The following PEBP4 variants were observed in gnomAD, a reference collection of about 807,000 sequenced individuals.
PEBP4 encodes the protein phosphatidylethanolamine binding protein 4.
Under a neutral mutation model 23.9 loss-of-function variants are expected in PEBP4, and 22 were observed. The ratio of observed to expected loss-of-function variants is 0.92; its 90% CI spans 0.66 to 1.31. PEBP4 has a LOEUF of 1.31. Among genes scored for constraint, PEBP4 ranks in the 40% most tolerant of loss-of-function variants. The probability of loss-of-function intolerance (pLI) is 0.00; values close to 1 mark genes in which losing one functional copy is unlikely to be tolerated. For synonymous variants in PEBP4, 112 were observed against 99.3 expected, an observed-to-expected ratio of 1.13 and a Z score of -0.76; for missense variants, 324 against 281.7, an observed-to-expected ratio of 1.15 and a Z score of -1.07.
intron 4 of PEBP4, among the ~76,000 whole-genome samples, chr8:22,781,827 C>G (rs1805921519): frequency 6.6e-6 from 1 of 152,228 alleles, no homozygotes. Context: ...GGCAGCCTGT[C>G]CCCCTTCCTC....
At chr8:22,788,802 A>C (rs1291308956) in intron 4 of PEBP4, among the ~76,000 whole-genome samples, 2 of 152,254 alleles carry the variant, frequency 1.3e-5, no homozygotes, top group Non-Finnish European at 2.9e-5. Flanking sequence ...TTATTCTCAG[A>C]AAGTCACCAC....
intron 4 of PEBP4, among the ~76,000 whole-genome samples, chr8:22,730,793 G>A (rs1804713963): frequency 1.3e-5 from 2 of 152,206 alleles, no homozygotes; most frequent in Non-Finnish European, 2.9e-5. Context: ...CCCTGAAGGA[G>A]GCTGAAAGTT....
chr8:22,785,525 G>T (rs1585271168), intron 4 of PEBP4, among the ~76,000 whole-genome samples: 1 of 152,174 alleles, frequency 6.6e-6, no homozygotes, highest in Admixed American at 6.5e-5. Flanking sequence ...GGACAGATCC[G>T]CCATGTGCTC....
chr8:22,731,417 A>G (rs993062470), intron 4 of PEBP4, among the ~76,000 whole-genome samples: 9 of 152,192 alleles, frequency 5.9e-5, no homozygotes, highest in Admixed American at 4.6e-4. Flanking sequence ...TTTTCTTAAT[A>G]CCATTTTCTT....
At chr8:22,859,422 G>A (rs916101192) in intron 3 of PEBP4, among the ~76,000 whole-genome samples, 2 of 152,166 alleles carry the variant, frequency 1.3e-5, no homozygotes, top group African/African-American at 2.4e-5. Flanking sequence ...ACTCCAGGGG[G>A]ATCAGTCCAA....
chr8:22,748,711 G>T (rs1043010104), intron 4 of PEBP4, among the ~76,000 whole-genome samples: 14 of 152,018 alleles, frequency 9.2e-5, no homozygotes, highest in African/African-American at 3.1e-4. Context: ...GTAGTCTTGG[G>T]GTTCCCTATA....
chr8:22,796,076 C>T (rs1806252753), intron 4 of PEBP4, among the ~76,000 whole-genome samples: 1 of 152,234 alleles, frequency 6.6e-6, no homozygotes, highest in South Asian at 2.1e-4. Context: ...GCACAGTGTC[C>T]TCCAATATGG....
chr8:22,783,639 T>C (rs868495120), intron 4 of PEBP4, among the ~76,000 whole-genome samples: 13 of 152,218 alleles, frequency 8.5e-5, no homozygotes, highest in Admixed American at 1.3e-4. Flanking sequence ...AAATGAATAA[T>C]GCCTCCCTAA....
intron 3 of PEBP4, among the ~76,000 whole-genome samples, chr8:22,861,846 T>C (rs1246631122): frequency 2.0e-5 from 3 of 152,214 alleles, no homozygotes; most frequent in Admixed American, 1.3e-4. Flanking sequence ...ATGGGTTCAG[T>C]TGCCACTTAT....
At chr8:22,831,174 A>T (rs60930858) in intron 3 of PEBP4, among the ~76,000 whole-genome samples, 1 of 152,160 alleles carries the variant, frequency 6.6e-6, no homozygotes, top group Non-Finnish European at 1.5e-5. Flanking sequence ...TCAGAACTCA[A>T]TTCAAGGTCA....
intron 2 of PEBP4, among the ~76,000 whole-genome samples, chr8:22,921,402 C>T (rs904776383): frequency 3.3e-5 from 5 of 152,142 alleles, no homozygotes; most frequent in African/African-American, 7.2e-5. Context: ...TCTAAGGGGA[C>T]CCTGTGAGGA....
chr8:22,927,890 C>T lies in PEBP4; in HGVS notation c.-74G>A, dbSNP rs576056387. On this transcript the variant is annotated 5_prime_UTR_variant, in exon 1 of 7. Transcript: ENST00000256404. ...TCCGCAGCTAATCCAGTCCACCACC[C>T]GGACACAAGTACTTTGGGAGGACTG... 68 of 671,062 alleles carry T rather than the reference C, an allele frequency of 1.0e-4. No homozygotes were observed. Among genetic ancestry groups the T allele is most frequent in the Non-Finnish European group, 1.4e-4 (58 of 414,374 alleles). The allele number at this position is 671,062 out of a possible 1,614,324, so 41.6% of individuals were successfully genotyped here.
At chr8:22,822,678 A>T (rs1433577626) in intron 3 of PEBP4, among the ~76,000 whole-genome samples, 1 of 152,114 alleles carries the variant, frequency 6.6e-6, no homozygotes, top group African/African-American at 2.4e-5. Context: ...AATAGTCCTA[A>T]AGTATACATT....
intron 4 of PEBP4, among the ~76,000 whole-genome samples, chr8:22,731,882 A>T (rs1397999490): frequency 1.3e-5 from 2 of 149,418 alleles, no homozygotes; most frequent in Non-Finnish European, 3.0e-5. Flanking sequence ...TCACCGTGTT[A>T]GCCAGGATGG....
At chr8:22,787,547 T>C (rs1425669684) in intron 4 of PEBP4, among the ~76,000 whole-genome samples, 2 of 152,224 alleles carry the variant, frequency 1.3e-5, no homozygotes, top group Non-Finnish European at 2.9e-5. Flanking sequence ...CTCAGTTGGC[T>C]GGTGATGGCA....
intron 3 of PEBP4, among the ~76,000 whole-genome samples, chr8:22,882,027 G>T (rs1808268525): frequency 6.6e-6 from 1 of 152,322 alleles, no homozygotes. Context: ...GGTTGTCAAT[G>T]ATACCTGGGA....
Position 22,715,948 on chromosome 8 carries a change from C to A in PEBP4, c.518-2412G>T, listed in dbSNP as rs552986950. Among the ~76,000 whole-genome samples the A allele has an allele frequency of 9.9e-5, 15 of 152,280 alleles. No homozygotes were observed. In the East Asian group the frequency reaches 2.5e-3, roughly 25 times the overall value. ...GCCCCTTCCTGTATGGCACTGCTGT[C>A]CCCGAGAGGCAGAGAGTCCGCGGCC... is the stretch of plus-strand genomic sequence containing the variant. On this transcript the variant is annotated intron_variant, in intron 6 of 6. Coordinates refer to ENST00000256404, the MANE Select transcript of PEBP4 (RefSeq NM_144962.3).
At chr8:22,806,606 C>T (rs534186506) in intron 4 of PEBP4, among the ~76,000 whole-genome samples, 3 of 135,194 alleles carry the variant, frequency 2.2e-5, no homozygotes, top group African/African-American at 8.7e-5. Context: ...CAGAGCAAGA[C>T]TGTGTCTCAA....
At chr8:22,743,813 C>T (rs1377216243) in intron 4 of PEBP4, among the ~76,000 whole-genome samples, 1 of 152,232 alleles carries the variant, frequency 6.6e-6, no homozygotes, top group Non-Finnish European at 1.5e-5. Context: ...TAGGAGCTCC[C>T]TGAATCATCC....
Sources: gnomAD v4.1 joint callset for allele counts (sites outside exome capture counted in the v4.1 genomes callset) on GRCh38, gnomAD v4.1.1 for gene constraint, MANE v1.5 for transcripts, NCBI Gene and HGNC (gene_info 2026-07-23, HGNC 2026-07-21) for gene names.